Variants in UACA observed in about 807,000 individuals in gnomAD.
UACA encodes uveal autoantigen with coiled-coil domains and ankyrin repeats.
A neutral mutation model predicts 160.5 loss-of-function variants in UACA; 112 were observed. The ratio of observed to expected loss-of-function variants is 0.70; its 90% CI spans 0.60 to 0.82. UACA has a LOEUF of 0.82. Among genes scored for constraint, UACA ranks in the 40% least tolerant of loss-of-function variants. The pLI, the probability that UACA is intolerant of heterozygous loss-of-function variation, is 0.00. For synonymous variants in UACA, 557 were observed against 568.4 expected, an observed-to-expected ratio of 0.98 and a Z score of 0.29; for missense variants, 1,574 against 1,614.6, an observed-to-expected ratio of 0.97 and a Z score of 0.43.
At chr15:70,679,402 CTAAA>C (rs57970349) in intron 10 of UACA, among the ~76,000 whole-genome samples, 16,086 of 133,938 alleles carry the variant, frequency 0.12, 1,221 homozygotes, top group East Asian at 0.38. Context: ...GACCCCATCT[CTAAA>C]TAAATAAATA....
rs374286094 is a variant in UACA at position 70,740,577 on chromosome 15, C to T, written c.78+22753G>A. On this transcript the variant is annotated intron_variant, in intron 1 of 18. Transcript: ENST00000322954. The stretch of plus-strand genomic sequence containing the variant: ...GTTTGAGCCCAGGAGGTCAAGGCTA[C>T]AGTGAGCCATGTTTCCTGCCACTGC... Among the ~76,000 whole-genome samples the T allele has an allele frequency of 3.1e-4, 43 of 140,440 alleles. 1 individual carries two copies. In the South Asian group the frequency reaches 9.4e-3, roughly 31 times the overall value. The allele number at this position is 140,440 out of a possible 152,430, so 92.1% of individuals were successfully genotyped here. A position where few individuals can be genotyped will look rare whatever the true frequency, so the allele number is the denominator to read the frequency against.
At chr15:70,778,603 G>C in the UACA span, among the ~76,000 whole-genome samples, 1 of 152,098 alleles carries the variant, frequency 6.6e-6, no homozygotes, top group Non-Finnish European at 1.5e-5. Flanking sequence ...ATTATCCAGG[G>C]TAATCCCTGC....
At chr15:70,670,061 T>C (rs1176261472) in intron 15 of UACA, among the ~76,000 whole-genome samples, 2 of 152,154 alleles carry the variant, frequency 1.3e-5, no homozygotes, top group African/African-American at 2.4e-5. Context: ...AAGAGAATGA[T>C]TGGTCACAGC....
Position 70,668,307 on chromosome 15 carries a change from T to G in UACA, c.2377A>C (p.Ser793Arg). Residue 793 changes from serine to arginine, a missense_variant, in exon 16 of 19, where the codon AGT becomes CGT. Ser to Arg is a moderately radical substitution (Grantham distance 110). Transcript: ENST00000322954. ...EKLLLENDSL[S>R]KDVSRLETVF... ...GTTTCTAGGCGGCTTACATCCTTAC[T>G]TAAGCTGTCATTTTCCAGTAGCAAT... 2 of 1,612,350 alleles carry G rather than the reference T, an allele frequency of 1.2e-6. No homozygotes were observed. Among genetic ancestry groups the G allele is most frequent in the East Asian group, 2.2e-5 (1 of 44,840 alleles).
intron 1 of UACA, among the ~76,000 whole-genome samples, chr15:70,718,319 A>AATGTGTGTGTGTGT (rs1566989707): frequency 1.1e-5 from 1 of 93,942 alleles, no homozygotes; most frequent in Admixed American, 1.2e-4. Context: ...GGAGAGAGAG[A>AATGTGTGTGTGTGT]GAGAATGTGT....
rs972902015 is a variant in UACA, at chr15:70,668,971, C to T, written c.1713G>A (p.Glu571=). The part of the protein sequence containing the change: ...GKLRNQIKQN[E]MIVEEFKRDE... ...CCCTCTTAAACTCTTCTACTATCAT[C>T]TCATTTTGTTTGATTTGGTTTCTTA... The change falls in exon 16 of 19, where the codon GAG becomes GAA. Residue 571 remains glutamate, a synonymous_variant. Coordinates refer to ENST00000322954, the MANE Select transcript of UACA (RefSeq NM_018003.4). 3.1e-6 allele frequency: 5 copies of T among 1,613,896 alleles called. No individual in the cohort carries two copies. Among genetic ancestry groups the T allele is most frequent in the Non-Finnish European group, 3.4e-6 (4 of 1,180,024 alleles).
intron 13 of UACA, among the ~76,000 whole-genome samples, chr15:70,674,651 T>G (rs1179569709): frequency 6.6e-6 from 1 of 152,070 alleles, no homozygotes; most frequent in East Asian, 1.9e-4. Context: ...CAGGCTGGAG[T>G]GCAGTGGCGT....
chr15:70,740,733 C>T (rs1050395805), intron 1 of UACA, among the ~76,000 whole-genome samples: 33 of 150,830 alleles, frequency 2.2e-4, no homozygotes, highest in Admixed American at 4.0e-4. Flanking sequence ...AACTTGCTAA[C>T]GCAGTAATAC....
intron 10 of UACA, among the ~76,000 whole-genome samples, chr15:70,679,064 A>G: frequency 6.6e-6 from 1 of 152,196 alleles, no homozygotes; most frequent in African/African-American, 2.4e-5. Context: ...ATTAAATTTT[A>G]TAATACTGGA....
At chr15:70,676,222 G>A in intron 13 of UACA, 1 of 268,468 alleles carries the variant, frequency 3.7e-6, no homozygotes, top group Non-Finnish European at 7.1e-6. Context: ...TTTTAAAAAG[G>A]TAAGGATGGA....
chr15:70,709,535 A>G (rs1898618193), intron 1 of UACA, among the ~76,000 whole-genome samples: 1 of 152,218 alleles, frequency 6.6e-6, no homozygotes, highest in Non-Finnish European at 1.5e-5. Flanking sequence ...TTTAGTGTAG[A>G]AAGCCTAGAA....
chr15:70,664,010 A>T (rs770023186), intron 17 of UACA, among the ~76,000 whole-genome samples: 7 of 152,184 alleles, frequency 4.6e-5, no homozygotes, highest in Non-Finnish European at 1.0e-4. Flanking sequence ...CCTAGAACTT[A>T]AAGTATAATA....
chr15:70,701,845 C>A, intron 1 of UACA: 2 of 1,583,158 alleles, frequency 1.3e-6, no homozygotes, highest in South Asian at 1.2e-5. Flanking sequence ...AACCAAGAAT[C>A]TTTTGTTACA....
chr15:70,747,408 C>T (rs1236223907), intron 1 of UACA, among the ~76,000 whole-genome samples: 4 of 151,900 alleles, frequency 2.6e-5, no homozygotes, highest in African/African-American at 7.3e-5. Context: ...CTTGCTCTAT[C>T]GCCCAGGCTG....
At chr15:70,686,261 T>C (rs1252791613) in intron 7 of UACA, among the ~76,000 whole-genome samples, 1 of 151,958 alleles carries the variant, frequency 6.6e-6, no homozygotes, top group East Asian at 1.9e-4. Context: ...CTTGGTTTTA[T>C]ACATTTTAGG....
At chr15:70,708,554 A>G (rs1438803185) in intron 1 of UACA, among the ~76,000 whole-genome samples, 1 of 150,950 alleles carries the variant, frequency 6.6e-6, no homozygotes, top group African/African-American at 2.4e-5. Flanking sequence ...TGCAACCTCC[A>G]CCACCCAGGT....
chr15:70,777,070 A>T, the UACA span, among the ~76,000 whole-genome samples: 3 of 152,174 alleles, frequency 2.0e-5, no homozygotes, highest in African/African-American at 4.8e-5. Flanking sequence ...AGCAATGGTG[A>T]CCAGACCAGG....
In UACA at chr15:70,703,254, A is replaced by T. The variant is rs1027962986; in HGVS notation, c.79-3594T>A. On this transcript the variant is annotated intron_variant, in intron 1 of 18. Coordinates refer to ENST00000322954, the MANE Select transcript of UACA (RefSeq NM_018003.4). ...AATAATTTACACTTCCTCTAAAAAG[A>T]CACATTTGTGAAAATTGTTTCATGG... 10 of 1,287,542 alleles carry T rather than the reference A, an allele frequency of 7.8e-6. No individual in the cohort carries two copies. In the African/African-American group the frequency reaches 1.5e-4, roughly 20 times the overall value. The allele number at this position is 1,287,542 out of a possible 1,614,324, so 79.8% of individuals were successfully genotyped here. A position where few individuals can be genotyped will look rare whatever the true frequency, so the allele number is the denominator to read the frequency against.
Position 70,678,216 on chromosome 15 carries a change from TAA to T in UACA, c.892-12_892-11del. 6.3e-7 allele frequency: 1 copy of T among 1,592,792 alleles called. No homozygotes were observed. The highest frequency in any genetic ancestry group is 8.5e-7 in the Non-Finnish European group (1 of 1,170,920). ...TTTCAATCTCCAAATCCTTAAATAA[TAA>T]AGACAACAAGGTGCCAGGCCAATCT... On this transcript the variant is annotated splice_polypyrimidine_tract_variant and intron_variant, in intron 10 of 18. Transcript: ENST00000322954.
Sources: allele counts gnomAD v4.1 joint callset (sites outside exome capture counted in the v4.1 genomes callset), GRCh38; gene constraint gnomAD v4.1.1; transcripts MANE v1.5; gene names NCBI Gene and HGNC (gene_info 2026-07-23, HGNC 2026-07-21).